Variants in SSX5 observed in about 807,000 individuals in gnomAD.
SSX5 encodes the protein SSX family member 5.
In SSX5, 14 loss-of-function variants were observed where a neutral mutation model predicts 14.9. The observed-to-expected ratio is 0.94, with a 90% CI of 0.62 to 1.47. The LOEUF is 1.47. Among genes scored for constraint, SSX5 ranks in the 40% most tolerant of loss-of-function variants. The pLI, the probability that SSX5 is intolerant of heterozygous loss-of-function variation, is 0.00. For synonymous variants in SSX5, 70 were observed against 55.4 expected (o/e 1.26, Z -1.17); for missense variants, 204 against 154.6 (o/e 1.32, Z -1.70).
chrX:48,189,640 T>C (rs1364918036), intron 6 of SSX5, among the ~76,000 whole-genome samples: 3 of 112,622 alleles, frequency 2.7e-5, no homozygotes, highest in African/African-American at 9.7e-5. Flanking sequence ...GTAAACATAA[T>C]GTTTTTATGC....
At chrX:48,193,009 A>G (rs1195598451) in intron 4 of SSX5, among the ~76,000 whole-genome samples, 1 of 112,301 alleles carries the variant, frequency 8.9e-6, no homozygotes, top group Non-Finnish European at 1.9e-5. Flanking sequence ...CTCACTGACA[A>G]GTGGGAAAGC....
At chrX:48,191,751 G>A (rs138979693) in intron 5 of SSX5, among the ~76,000 whole-genome samples, 1 of 112,058 alleles carries the variant, frequency 8.9e-6, no homozygotes, top group Non-Finnish European at 1.9e-5. Context: ...CTGCCACTGC[G>A]CCTCAGGAAA....
chrX:48,192,523 C>T, intron 4 of SSX5: 1 of 441,174 alleles, frequency 2.3e-6, no homozygotes, highest in Middle Eastern at 6.9e-4. Context: ...ACAGTCTCAT[C>T]TTTTTCCATT....
At chrX:48,191,703 G>T (rs782537722) in intron 5 of SSX5, among the ~76,000 whole-genome samples, 1 of 112,391 alleles carries the variant, frequency 8.9e-6, no homozygotes, top group African/African-American at 3.2e-5. Flanking sequence ...AAATGTGAAT[G>T]AGCTTTAAAT....
At chrX:48,195,643 T>C (rs1164695707) in intron 1 of SSX5, among the ~76,000 whole-genome samples, 1 of 111,438 alleles carries the variant, frequency 9.0e-6, no homozygotes, top group Non-Finnish European at 1.9e-5. Context: ...TTGGCTAATG[T>C]TGTTAGTAGT....
rs1315296517 is a variant in SSX5, at chrX:48,186,403, T to TGC, written c.*456_*457dup. 0.035 allele frequency: 4,893 copies of TGC among 138,088 alleles called. 194 individuals carry two copies. Among genetic ancestry groups the TGC allele is most frequent in the Admixed American group, 0.066 (624 of 9,470 alleles). 11.4% of individuals were successfully genotyped at this position (138,088 alleles called of 1,213,427 possible). On this transcript the variant is annotated 3_prime_UTR_variant, in exon 8 of 8. Coordinates refer to ENST00000347757, the MANE Select transcript of SSX5 (RefSeq NM_175723.2). The stretch of plus-strand genomic sequence containing the variant: ...GTGTGTGTGTGTGTGTGTGTGTGTG[T>TGC]GCGCGCGCGCGCGCATGTGTGTCTG...
At chrX:48,195,181 C>A in intron 2 of SSX5, 109 bp downstream of exon 2, 1 of 1,209,915 alleles carries the variant, frequency 8.3e-7, no homozygotes, top group Non-Finnish European at 1.1e-6. Flanking sequence ...CAGATGTCCC[C>A]GGAGACCCTG....
At position 48,186,999 on chromosome X, in the gene SSX5, T is replaced by C. The variant is rs1204378124; in HGVS notation, c.*5-143A>G. On this transcript the variant is annotated intron_variant, in intron 7 of 7. Coordinates refer to ENST00000347757, the MANE Select transcript of SSX5 (RefSeq NM_175723.2). The stretch of plus-strand genomic sequence containing the variant: ...ACCTGTACACGCCTTCCATGGTTCC[T>C]TGAAGTGAACCATCTGCTCATACCA... The C allele has an allele frequency of 6.0e-5, 44 of 732,661 alleles. 2 individuals carry two copies. The highest frequency in any genetic ancestry group is 6.0e-4 in the South Asian group (27 of 45,096). The allele number at this position is 732,661 out of a possible 1,213,427, so 60.4% of individuals were successfully genotyped here.
At chrX:48,195,501 G>C in intron 1 of SSX5, 123 bp from the exon 2 acceptor site, 1 of 709,904 alleles carries the variant, frequency 1.4e-6, no homozygotes, top group Admixed American at 2.8e-5. Flanking sequence ...TCCATCCGTG[G>C]CTTATCTGTC....
intron 4 of SSX5, among the ~76,000 whole-genome samples, chrX:48,192,731 G>C (rs1332614397): frequency 8.9e-6 from 1 of 112,025 alleles, no homozygotes; most frequent in Non-Finnish European, 1.9e-5. Context: ...TCAGTACAAA[G>C]ACAGTCCTTT....
chrX:48,195,147 G>A lies in SSX5; in HGVS notation c.69+143C>T, dbSNP rs377606154. The A allele has an allele frequency of 2.8e-4, 343 of 1,209,587 alleles. 2 individuals are homozygous for A. In the South Asian group the frequency reaches 4.5e-3, roughly 16 times the overall value. ...CAGGGATGCTAGGTGATGACAGAGCGAGAGTGAGAGGCTCCCAAGGTTCCA... is the reference window on the plus strand; with the variant it reads ...CAGGGATGCTAGGTGATGACAGAGCAAGAGTGAGAGGCTCCCAAGGTTCCA... On this transcript the variant is annotated intron_variant, in intron 2 of 7. Transcript: ENST00000347757.
chrX:48,196,591 G>C (rs1291687850), intron 1 of SSX5, 140 bp downstream of exon 1: 1 of 110,156 alleles, frequency 9.1e-6, no homozygotes, highest in Non-Finnish European at 1.9e-5. Context: ...TCCCATACTT[G>C]AAAAAGTTAG....
chrX:48,193,864 T>C (rs1556925270), intron 4 of SSX5, among the ~76,000 whole-genome samples: 1 of 95,451 alleles, frequency 1.0e-5, no homozygotes, highest in Non-Finnish European at 2.1e-5. Context: ...CCAGTCACCT[T>C]AATTTGATGG....
intron 6 of SSX5, among the ~76,000 whole-genome samples, chrX:48,189,813 T>C (rs781820760): frequency 8.9e-6 from 1 of 112,214 alleles, no homozygotes; most frequent in East Asian, 2.8e-4. Flanking sequence ...GCACCTTTCA[T>C]GTCATCAGGC....
rs782209377 is a variant in SSX5, at chrX:48,192,251, A to T, written c.311T>A (p.Leu104His). The change falls in exon 5 of 8, where the codon CTC becomes CAC. Residue 104 changes from leucine (L) to histidine (H), a missense_variant. Coordinates refer to ENST00000347757, the MANE Select transcript of SSX5 (RefSeq NM_175723.2). Reference sequence around the variant, plus strand: ...ACTCACCTTCGGGAAGATTCCCTGGAGCCTGCCGAAAGTCATCTGAGGATG... The same window carrying T: ...ACTCACCTTCGGGAAGATTCCCTGGTGCCTGCCGAAAGTCATCTGAGGATG... Reference protein sequence around the residue: ...VEHPQMTFGRLQGIFPKITPE... With the variant: ...VEHPQMTFGRHQGIFPKITPE... 8.3e-7 allele frequency: 1 copy of T among 1,209,917 alleles called. No individual in the cohort carries two copies. Among genetic ancestry groups the T allele is most frequent in the Non-Finnish European group, 1.1e-6 (1 of 895,102 alleles).
At chrX:48,191,978 G>A (rs1359520211) in intron 5 of SSX5, among the ~76,000 whole-genome samples, 1 of 112,306 alleles carries the variant, frequency 8.9e-6, no homozygotes, top group Non-Finnish European at 1.9e-5. Context: ...TAGAAACAAT[G>A]TCTTCTTAAG....
At chrX:48,195,237 T>G (rs1457639126) in intron 2 of SSX5, 53 bp downstream of exon 2, 65 of 1,204,191 alleles carry the variant, frequency 5.4e-5, no homozygotes, top group Non-Finnish European at 7.2e-5. Flanking sequence ...AGAAAACTGA[T>G]CACCCCACAC....
chrX:48,191,212 C>A (rs1406644940), intron 5 of SSX5, among the ~76,000 whole-genome samples: 3 of 111,287 alleles, frequency 2.7e-5, no homozygotes, highest in Non-Finnish European at 3.8e-5. Flanking sequence ...CCTTAGGCTA[C>A]TTTTTATTCA....
intron 6 of SSX5, 77 bp downstream of exon 6, chrX:48,190,056 A>G: frequency 1.7e-6 from 2 of 1,167,570 alleles, no homozygotes; most frequent in African/African-American, 1.8e-5. Context: ...TCTGGGGTCC[A>G]TGCCACACAC....
Sources: allele counts gnomAD v4.1 joint callset (sites outside exome capture counted in the v4.1 genomes callset), GRCh38; gene constraint gnomAD v4.1.1; transcripts MANE v1.5; gene names NCBI Gene and HGNC (gene_info 2026-07-23, HGNC 2026-07-21).